Variants in AGBL1 observed in about 807,000 individuals in gnomAD.
AGBL1 encodes the protein AGBL carboxypeptidase 1, also known as cytosolic carboxypeptidase 4.
A neutral mutation model predicts 118.9 loss-of-function variants in AGBL1; 130 were observed. That is an observed-to-expected ratio of 1.09 (90% CI 0.95 to 1.26). The LOEUF is 1.26. AGBL1 is among the 50% of genes most tolerant of loss of function. The probability of loss-of-function intolerance (pLI) is 0.00; values close to 1 mark genes in which losing one functional copy is unlikely to be tolerated. For synonymous variants in AGBL1, 555 were observed against 478.9 expected (o/e 1.16, Z -2.08); for missense variants, 1,584 against 1,298.1 (o/e 1.22, Z -3.38).
At chr15:86,970,514 T>C (rs2081096400) in intron 23 of AGBL1, among the ~76,000 whole-genome samples, 1 of 152,014 alleles carries the variant, frequency 6.6e-6, no homozygotes, top group East Asian at 1.9e-4. Flanking sequence ...CGTTGAGCTA[T>C]GTGCTCAAAG....
intron 5 of AGBL1, among the ~76,000 whole-genome samples, chr15:86,209,565 C>A (rs1034377034): frequency 6.6e-6 from 1 of 152,072 alleles, no homozygotes; most frequent in African/African-American, 2.4e-5. Flanking sequence ...TACCATTATG[C>A]AATGGCCTTC....
chr15:86,645,441 A>T lies in AGBL1; in HGVS notation c.2995-28832A>T, dbSNP rs113172755. On this transcript the variant is annotated intron_variant, in intron 21 of 22. Transcript: ENST00000614907. ...TAAGCACACATTGCTATTTAATCCT[A>T]ATTTTTAATAACTGAGCAGTAGATT... Among the ~76,000 whole-genome samples the T allele has an allele frequency of 5.9e-3, 892 of 152,312 alleles. 8 individuals carry two copies. The highest frequency in any genetic ancestry group is 0.02 in the African/African-American group (840 of 41,560).
Position 86,256,859 on chromosome 15 carries a change from C to G in AGBL1, c.742C>G (p.Leu248Val). ...TAATCTTCCCTTTGCTCAGAACTGC[C>G]TGGATGACAAGAGCATGGAGCCCGT... ...EILFSTTQNCLDDKSMEPVIS... is the reference protein window; with the variant it reads ...EILFSTTQNCVDDKSMEPVIS... The change falls in exon 8 of 23, where the codon CTG becomes GTG. Residue 248 changes from leucine to valine, a missense_variant. Leu to Val is a conservative substitution (Grantham distance 32). Transcript: ENST00000614907. 1 of 1,613,812 alleles carries G rather than the reference C, an allele frequency of 6.2e-7. No homozygotes were observed. The highest frequency in any genetic ancestry group is 8.5e-7 in the Non-Finnish European group (1 of 1,179,834).
chr15:86,751,206 T>G (rs1374141830), intron 22 of AGBL1, among the ~76,000 whole-genome samples: 3 of 152,164 alleles, frequency 2.0e-5, no homozygotes, highest in South Asian at 4.1e-4. Flanking sequence ...CCACACTGTC[T>G]TCCACAATGG....
chr15:86,392,170 A>T (rs1307639390), intron 17 of AGBL1, among the ~76,000 whole-genome samples: 1 of 152,100 alleles, frequency 6.6e-6, no homozygotes, highest in Non-Finnish European at 1.5e-5. Flanking sequence ...AGCCACATAC[A>T]AATGGGATCT....
intron 17 of AGBL1, among the ~76,000 whole-genome samples, chr15:86,370,301 C>CA (rs2080952923): frequency 7.6e-6 from 1 of 131,014 alleles, no homozygotes; most frequent in Non-Finnish European, 1.6e-5. Context: ...GTCTCTATTC[C>CA]TTTTTTTTTT....
At chr15:86,095,990 T>G (rs1410568575) in intron 1 of AGBL1, among the ~76,000 whole-genome samples, 1 of 152,110 alleles carries the variant, frequency 6.6e-6, no homozygotes, top group Non-Finnish European at 1.5e-5. Flanking sequence ...ACTTTTATAT[T>G]TTTTTTCATA....
intron 17 of AGBL1, among the ~76,000 whole-genome samples, chr15:86,372,852 T>A (rs2080989364): frequency 6.6e-6 from 1 of 152,036 alleles, no homozygotes; most frequent in African/African-American, 2.4e-5. Flanking sequence ...GTAGTTATAG[T>A]GAGGAAGAGG....
intron 24 of AGBL1, among the ~76,000 whole-genome samples, chr15:87,026,780 T>C (rs1158261634): frequency 1.3e-5 from 2 of 152,064 alleles, no homozygotes; most frequent in East Asian, 1.9e-4. Flanking sequence ...CTGTGGTATA[T>C]ATACACAGTG....
intron 17 of AGBL1, among the ~76,000 whole-genome samples, chr15:86,311,515 A>G (rs182081927): frequency 3.6e-4 from 54 of 152,104 alleles, no homozygotes; most frequent in African/African-American, 1.3e-3. Context: ...TTTTTTCCTT[A>G]GCAGATAGTA....
intron 18 of AGBL1, among the ~76,000 whole-genome samples, chr15:86,467,092 G>T (rs1366401124): frequency 1.3e-5 from 2 of 152,222 alleles, no homozygotes; most frequent in African/African-American, 2.4e-5. Context: ...TCCCTCAGGG[G>T]GTCTCTCCCA....
intron 1 of AGBL1, among the ~76,000 whole-genome samples, chr15:86,101,945 G>A (rs963005095): frequency 1.3e-5 from 2 of 151,698 alleles, no homozygotes; most frequent in African/African-American, 2.4e-5. Context: ...TATAGATGAA[G>A]AAACCTTTGT....
intron 1 of AGBL1, among the ~76,000 whole-genome samples, chr15:86,122,665 C>T (rs1898156936): frequency 6.6e-6 from 1 of 152,190 alleles, no homozygotes; most frequent in Admixed American, 6.5e-5. Context: ...GTTTTCACTA[C>T]TCCTCAATAC....
At chr15:86,203,694 G>C (rs1413762874) in intron 5 of AGBL1, among the ~76,000 whole-genome samples, 1 of 152,058 alleles carries the variant, frequency 6.6e-6, no homozygotes, top group Non-Finnish European at 1.5e-5. Context: ...TCAAAAATTT[G>C]TTGAGGTATT....
intron 5 of AGBL1, among the ~76,000 whole-genome samples, chr15:86,173,450 A>G (rs1408769041): frequency 6.6e-6 from 1 of 151,810 alleles, no homozygotes; most frequent in East Asian, 1.9e-4. Flanking sequence ...CGTTTAATGT[A>G]GTCCCATTTG....
chr15:86,184,540 C>T (rs562546705), intron 5 of AGBL1, among the ~76,000 whole-genome samples: 1 of 151,484 alleles, frequency 6.6e-6, no homozygotes, highest in Non-Finnish European at 1.5e-5. Flanking sequence ...GGGAAGTTCT[C>T]CTGGATAACA....
intron 22 of AGBL1, among the ~76,000 whole-genome samples, chr15:86,852,228 A>C (rs745449165): frequency 6.6e-6 from 1 of 152,200 alleles, no homozygotes; most frequent in Non-Finnish European, 1.5e-5. Context: ...GAGAGAAAGA[A>C]GTGCAAGCAG....
chr15:86,413,222 A>G (rs1327555905), intron 18 of AGBL1, among the ~76,000 whole-genome samples: 1 of 152,176 alleles, frequency 6.6e-6, no homozygotes, highest in African/African-American at 2.4e-5. Context: ...AGGTTCTTAA[A>G]TCTCCACAAT....
chr15:86,465,922 C>G (rs1160658500), intron 18 of AGBL1, among the ~76,000 whole-genome samples: 1 of 152,192 alleles, frequency 6.6e-6, no homozygotes, highest in Non-Finnish European at 1.5e-5. Context: ...GACCCACTCC[C>G]TATTTGTACA....
Sources: allele counts gnomAD v4.1 joint callset (sites outside exome capture counted in the v4.1 genomes callset), GRCh38; gene constraint gnomAD v4.1.1; transcripts MANE v1.5; gene names NCBI Gene and HGNC (gene_info 2026-07-23, HGNC 2026-07-21).